Variants in EGFR observed in about 807,000 individuals in gnomAD.
The protein encoded by EGFR is epidermal growth factor receptor, also known as avian erythroblastic leukemia viral (v-erb-b) oncogene homolog.
In EGFR, 58 loss-of-function variants were observed where a neutral mutation model predicts 143.0. That is an observed-to-expected ratio of 0.41 (90% CI 0.33 to 0.50). The LOEUF is 0.50. Among genes scored for constraint, EGFR ranks in the 20% least tolerant of loss-of-function variants. The pLI is 0.39. For missense variants in EGFR, 1,307 were observed against 1,579.0 expected (o/e 0.83, Z 2.92); for synonymous variants, 613 against 594.4 (o/e 1.03, Z -0.45).
At chr7:55,164,535 GGTGT>G (rs1785871315) in intron 14 of EGFR, among the ~76,000 whole-genome samples, 1 of 152,178 alleles carries the variant, frequency 6.6e-6, no homozygotes, top group African/African-American at 2.4e-5. Context: ...AGGTTTGCAT[GGTGT>G]TGGGTTAAAT....
At chr7:55,054,214 C>T (rs962587314) in intron 1 of EGFR, among the ~76,000 whole-genome samples, 11 of 152,214 alleles carry the variant, frequency 7.2e-5, no homozygotes, top group African/African-American at 2.7e-4. Flanking sequence ...GCTTCGCTCC[C>T]TCTGATCTCC....
At chr7:55,100,667 C>T (rs2128900973) in intron 1 of EGFR, among the ~76,000 whole-genome samples, 1 of 152,352 alleles carries the variant, frequency 6.6e-6, no homozygotes, top group Non-Finnish European at 1.5e-5. Context: ...CCTGCCAAGG[C>T]CTCATTGTCA....
intron 21 of EGFR, 36 bp from the exon 22 acceptor site, chr7:55,192,730 T>G: frequency 3.2e-6 from 5 of 1,586,572 alleles, no homozygotes; most frequent in Non-Finnish European, 4.3e-6. Context: ...GGGAAACTAA[T>G]AGTTGTCTCA....
intron 19 of EGFR, among the ~76,000 whole-genome samples, chr7:55,176,975 T>TAAATAAAAG (rs1380831650): frequency 1.3e-5 from 2 of 150,298 alleles, no homozygotes. Flanking sequence ...ATATATTAAA[T>TAAATAAAAG]AAATAAAAGA....
At chr7:55,081,036 T>C (rs1790436959) in intron 1 of EGFR, among the ~76,000 whole-genome samples, 1 of 152,174 alleles carries the variant, frequency 6.6e-6, no homozygotes, top group African/African-American at 2.4e-5. Flanking sequence ...ACATCAAAGA[T>C]TGAAAGCTCA....
intron 1 of EGFR, among the ~76,000 whole-genome samples, chr7:55,093,892 C>G (rs1791283322): frequency 6.6e-6 from 1 of 152,188 alleles, no homozygotes; most frequent in African/African-American, 2.4e-5. Flanking sequence ...GTAACTGTCA[C>G]TGGTAGCTCA....
intron 1 of EGFR, among the ~76,000 whole-genome samples, chr7:55,055,672 C>T (rs1788763224): frequency 6.6e-6 from 1 of 151,378 alleles, no homozygotes; most frequent in East Asian, 2.0e-4. Flanking sequence ...GAGGTCTCAT[C>T]CTCTTTCCCT....
chr7:55,198,150 G>A (rs553100104), intron 22 of EGFR, among the ~76,000 whole-genome samples: 1 of 152,244 alleles, frequency 6.6e-6, no homozygotes, highest in Admixed American at 6.5e-5. Context: ...TTGGTTGGTA[G>A]GCTATTTATT....
At chr7:55,158,881 G>A (rs1785558115) in intron 11 of EGFR, among the ~76,000 whole-genome samples, 1 of 152,198 alleles carries the variant, frequency 6.6e-6, no homozygotes, top group Admixed American at 6.5e-5. Flanking sequence ...CCACTCATCT[G>A]TGTAGGAGAA....
At chr7:55,204,990 TACAC>T (rs1189377679) in intron 27 of EGFR, among the ~76,000 whole-genome samples, 2 of 151,624 alleles carry the variant, frequency 1.3e-5, no homozygotes, top group South Asian at 4.2e-4. Flanking sequence ...TGCATACACA[TACAC>T]ACACACATAC....
chr7:55,189,275 C>T (rs1787282848), intron 20 of EGFR, among the ~76,000 whole-genome samples: 1 of 152,160 alleles, frequency 6.6e-6, no homozygotes, highest in Non-Finnish European at 1.5e-5. Flanking sequence ...TTGGTCTGTG[C>T]AGCCACATGC....
intron 21 of EGFR, 53 bp downstream of exon 21, chr7:55,191,927 C>T (rs2128964849): frequency 6.2e-7 from 1 of 1,608,472 alleles, no homozygotes; most frequent in Non-Finnish European, 8.5e-7. Flanking sequence ...AGGGACCAGG[C>T]TGCCTTCCCA....
intron 1 of EGFR, among the ~76,000 whole-genome samples, chr7:55,100,784 C>G (rs531333893): frequency 5.3e-4 from 80 of 152,332 alleles, no homozygotes; most frequent in African/African-American, 1.8e-3. Flanking sequence ...CCAAGCCTCA[C>G]GTCACACATC....
chr7:55,020,384 G>A (rs902407353), intron 1 of EGFR, among the ~76,000 whole-genome samples: 3 of 152,232 alleles, frequency 2.0e-5, no homozygotes, highest in Non-Finnish European at 4.4e-5. Flanking sequence ...TGCAGGGGGG[G>A]ATCGCGGGAC....
chr7:55,139,543 G>C (rs976452235), intron 1 of EGFR, among the ~76,000 whole-genome samples: 1 of 152,124 alleles, frequency 6.6e-6, no homozygotes, highest in East Asian at 1.9e-4. Context: ...AGCCTCAGAA[G>C]AAACAACCTT....
intron 27 of EGFR, among the ~76,000 whole-genome samples, chr7:55,204,632 C>G (rs1201054685): frequency 7.5e-6 from 1 of 134,122 alleles, no homozygotes; most frequent in Non-Finnish European, 1.6e-5. Context: ...CACAGACACA[C>G]ACCACACATA....
In EGFR at chr7:55,201,322, C is replaced by A. The variant is rs565720057; in HGVS notation, c.3081C>A (p.Pro1027=). The change falls in exon 25 of 28, where the codon CCC becomes CCA. Residue 1027 remains proline (P), a synonymous_variant. Transcript: ENST00000275493. ...LIPQQGFFSS[P]STSRTPLLSS... is the part of the protein sequence containing the mutation. Reference sequence around the variant, plus strand: ...CACAGCAGGGCTTCTTCAGCAGCCCCTCCACGTCACGGACTCCCCTCCTGA... The same window carrying A: ...CACAGCAGGGCTTCTTCAGCAGCCCATCCACGTCACGGACTCCCCTCCTGA... 6.2e-7 allele frequency: 1 copy of A among 1,614,138 alleles called. No homozygotes were observed. The highest frequency in any genetic ancestry group is 2.2e-5 in the East Asian group (1 of 44,876).
intron 4 of EGFR, among the ~76,000 whole-genome samples, chr7:55,146,983 G>T (rs1401600707): frequency 6.6e-6 from 1 of 152,208 alleles, no homozygotes; most frequent in Non-Finnish European, 1.5e-5. Flanking sequence ...TCCCCTGCAG[G>T]GACAGCAGAG....
At chr7:55,189,480 A>C (rs1327202484) in intron 20 of EGFR, among the ~76,000 whole-genome samples, 1 of 152,248 alleles carries the variant, frequency 6.6e-6, no homozygotes, top group Non-Finnish European at 1.5e-5. Context: ...AAATGTGCCC[A>C]GTATACCAAA....
Sources: gnomAD v4.1 joint callset for allele counts (sites outside exome capture counted in the v4.1 genomes callset) on GRCh38, gnomAD v4.1.1 for gene constraint, MANE v1.5 for transcripts, NCBI Gene and HGNC (gene_info 2026-07-23, HGNC 2026-07-21) for gene names.